Variants in CHD1L observed in about 807,000 individuals in gnomAD.
CHD1L encodes the protein chromodomain helicase DNA binding protein 1 like.
CHD1L carries 118 observed loss-of-function variants against 115.9 expected under a neutral mutation model. That is an observed-to-expected ratio of 1.02 (90% confidence interval 0.88 to 1.19). The LOEUF is 1.19. Ranked by LOEUF, CHD1L falls within the 50% of genes most tolerant of loss-of-function variation. The pLI, the probability that CHD1L is intolerant of heterozygous loss-of-function variation, is 0.00. For synonymous variants in CHD1L, 411 were observed against 387.1 expected (o/e 1.06, Z -0.72); for missense variants, 1,179 against 1,065.3 (o/e 1.11, Z -1.49).
the CHD1L span, among the ~76,000 whole-genome samples, chr1:147,227,281 C>T: frequency 6.6e-6 from 1 of 152,172 alleles, no homozygotes; most frequent in African/African-American, 2.4e-5. Flanking sequence ...AAATGAATTA[C>T]TTGTAAATTG....
At chr1:147,242,262 A>G (rs1168165632), upstream of CHD1L, among the ~76,000 whole-genome samples, 1 of 152,228 alleles carries the variant, frequency 6.6e-6, no homozygotes, top group Admixed American at 6.5e-5. Context: ...ATCACTAGGT[A>G]AACCGAACAA....
chr1:147,283,483 G>C (rs1040795606), intron 15 of CHD1L, among the ~76,000 whole-genome samples: 47 of 152,078 alleles, frequency 3.1e-4, no homozygotes, highest in African/African-American at 1.1e-3. Flanking sequence ...TTAATCACTT[G>C]ATTCATGATC....
At chr1:147,201,213 G>A in the CHD1L span, 1 of 1,614,152 alleles carries the variant, frequency 6.2e-7, no homozygotes, top group Admixed American at 1.7e-5. Context: ...TGGCTCCTAA[G>A]GGCTGAATCA....
In CHD1L at chr1:147,264,592, C is replaced by A; in HGVS notation, c.739+8C>A. 3 of 1,611,658 alleles carry A rather than the reference C, an allele frequency of 1.9e-6. No homozygotes were observed. Among genetic ancestry groups the A allele is most frequent in the Non-Finnish European group, 1.7e-6 (2 of 1,178,960 alleles). On this transcript the variant is annotated splice_region_variant and intron_variant, in intron 7 of 22. Coordinates refer to ENST00000369258, the MANE Select transcript of CHD1L (RefSeq NM_004284.6). Reference sequence around the variant, plus strand: ...AGAAAGAATCTGAGTCAGGCAAGTTCCTTTCCTGCAAATCATCCCCAAGAA... The same window carrying A: ...AGAAAGAATCTGAGTCAGGCAAGTTACTTTCCTGCAAATCATCCCCAAGAA...
chr1:147,272,956 T>C (rs1213670534), intron 12 of CHD1L, among the ~76,000 whole-genome samples: 4 of 150,142 alleles, frequency 2.7e-5, no homozygotes, highest in Non-Finnish European at 4.4e-5. Flanking sequence ...TCCCAGCACT[T>C]TGGGAGGCTG....
In CHD1L at chr1:147,276,236, C is replaced by T. The variant is rs782761770; in HGVS notation, c.1518C>T (p.Pro506=). The change falls in exon 14 of 23, where the codon CCC becomes CCT. Residue 506 remains proline (P), a synonymous_variant. Coordinates refer to ENST00000369258, the MANE Select transcript of CHD1L (RefSeq NM_004284.6). ...ATTTTACTCTGGGAGCCCAGAAACC[C>T]GCTGCCGATGCTGACCTCCAGGTAT... is the stretch of plus-strand genomic sequence containing the variant. ...GGHFTLGAQK[P]AADADLQLSE... The T allele has an allele frequency of 9.9e-6, 16 of 1,614,022 alleles. No homozygotes were observed. The highest frequency in any genetic ancestry group is 3.3e-5 in the South Asian group (3 of 91,076).
At chr1:147,181,143 T>G in the CHD1L span, among the ~76,000 whole-genome samples, 3 of 152,296 alleles carry the variant, frequency 2.0e-5, no homozygotes, top group Middle Eastern at 3.4e-3. Context: ...GAATTCCAAA[T>G]AATTTATGTA....
intron 14 of CHD1L, among the ~76,000 whole-genome samples, chr1:147,278,523 G>GATTTT (rs1162028283): frequency 6.8e-6 from 1 of 147,752 alleles, no homozygotes. Context: ...GCGCCTGGGG[G>GATTTT]TATTTTTTTT....
chr1:147,179,596 C>G, the CHD1L span: 1 of 1,579,744 alleles, frequency 6.3e-7, no homozygotes, highest in Admixed American at 1.7e-5. Context: ...GAAGAAAAAC[C>G]CAAGAAGAAG....
At chr1:147,221,482 A>C in the CHD1L span, among the ~76,000 whole-genome samples, 3 of 152,234 alleles carry the variant, frequency 2.0e-5, no homozygotes, top group South Asian at 6.2e-4. Context: ...TTTTTAATTA[A>C]GGTAAATTAA....
chr1:147,221,691 G>C, the CHD1L span, among the ~76,000 whole-genome samples: 1 of 152,204 alleles, frequency 6.6e-6, no homozygotes, highest in East Asian at 1.9e-4. Flanking sequence ...ACAAAGAGTA[G>C]AGCCATCCTA....
intron 7 of CHD1L, among the ~76,000 whole-genome samples, chr1:147,265,437 T>C (rs1232985648): frequency 1.3e-5 from 2 of 152,234 alleles, no homozygotes; most frequent in African/African-American, 4.8e-5. Context: ...CTACAGGTAG[T>C]ATAATTCTAA....
the CHD1L span, chr1:147,201,268 AC>A: frequency 1.4e-5 from 22 of 1,614,126 alleles, no homozygotes; most frequent in Middle Eastern, 3.3e-4. Flanking sequence ...AGGAGGGAAG[AC>A]CTTTTTATAC....
At chr1:147,209,775 T>A in the CHD1L span, 4 of 152,250 alleles carry the variant, frequency 2.6e-5, no homozygotes, top group African/African-American at 9.6e-5. Flanking sequence ...TCTCTAGCAC[T>A]TATCACCTGT....
intron 13 of CHD1L, among the ~76,000 whole-genome samples, chr1:147,275,702 T>G (rs1472808767): frequency 6.6e-6 from 1 of 151,160 alleles, no homozygotes; most frequent in African/African-American, 2.4e-5. Context: ...AAGGAAACTT[T>G]AGAAGTCATT....
intron 5 of CHD1L, chr1:147,259,364 C>T (rs1351714979): frequency 6.6e-6 from 1 of 152,588 alleles, no homozygotes; most frequent in Non-Finnish European, 1.5e-5. Context: ...GTTCCTACAA[C>T]ACCACTGTCT....
intron 18 of CHD1L, 110 bp from the exon 19 acceptor site, chr1:147,287,525 C>T (rs782316671): frequency 4.3e-6 from 3 of 701,120 alleles, no homozygotes; most frequent in African/African-American, 1.8e-5. Context: ...TTTGTTTCTT[C>T]CCTTTGAAAA....
At position 147,284,389 on chromosome 1, in the gene CHD1L, A is replaced by G. The variant is rs373716000; in HGVS notation, c.1744A>G (p.Lys582Glu). ...CTTATTTGAAGGTAAAGATTATTCT[A>G]AAGAGCCCAGTAAGGAAGACAGAAA... ...MYLFEGKDYSKEPSKEDRKSF... is the reference protein window; with the variant it reads ...MYLFEGKDYSEEPSKEDRKSF... The change falls in exon 16 of 23, where the codon AAA (lysine) becomes GAA (glutamate). Residue 582 changes from lysine to glutamate, a missense_variant. Lys to Glu is a moderately conservative substitution (Grantham distance 56). Coordinates refer to ENST00000369258, the MANE Select transcript of CHD1L (RefSeq NM_004284.6). The G allele has an allele frequency of 4.4e-6, 7 of 1,599,762 alleles. No homozygotes were observed. Among genetic ancestry groups the G allele is most frequent in the Middle Eastern group, 1.7e-4 (1 of 6,018 alleles).
At chr1:147,285,287 T>A in intron 16 of CHD1L, 37 bp from the exon 17 acceptor site, 3 of 1,594,438 alleles carry the variant, frequency 1.9e-6, no homozygotes, top group Non-Finnish European at 2.6e-6. Context: ...GGGAGGAATC[T>A]TCTTGACCCT....
Sources: gnomAD v4.1 joint callset for allele counts (sites outside exome capture counted in the v4.1 genomes callset) on GRCh38, gnomAD v4.1.1 for gene constraint, MANE v1.5 for transcripts, NCBI Gene and HGNC (gene_info 2026-07-23, HGNC 2026-07-21) for gene names.